The following KITLG variants were observed in gnomAD, a reference collection of about 807,000 sequenced individuals.
The protein encoded by KITLG is KIT ligand.
In KITLG, 13 loss-of-function variants were observed where a neutral mutation model predicts 34.1. The observed-to-expected ratio is 0.38, with a 90% CI of 0.25 to 0.61. The LOEUF is 0.61. Ranked by LOEUF, KITLG falls within the 20% of genes least tolerant of loss-of-function variation. The probability of loss-of-function intolerance (pLI) is 0.60; values close to 1 mark genes in which losing one functional copy is unlikely to be tolerated. For synonymous variants in KITLG, 110 were observed against 104.0 expected, an observed-to-expected ratio of 1.06 and a Z score of -0.35; for missense variants, 292 against 318.9, an observed-to-expected ratio of 0.92 and a Z score of 0.64.
At chr12:88,511,745 G>A (rs1018713883) in intron 6 of KITLG, among the ~76,000 whole-genome samples, 2 of 152,074 alleles carry the variant, frequency 1.3e-5, no homozygotes, top group Admixed American at 1.3e-4. Context: ...ACAGAACAAT[G>A]GGGACAAAAT....
At position 88,553,763 on chromosome 12, in the gene KITLG, A is replaced by G. The variant is rs191555173; in HGVS notation, c.16-7898T>C. On this transcript the variant is annotated intron_variant, in intron 1 of 9. Coordinates refer to ENST00000644744, the MANE Select transcript of KITLG (RefSeq NM_000899.5). ...TGAGAAATCTGTGTGCACTGTTACA[A>G]CCAAGGCATGCAGTAGAAACAGTTC... 1.8e-4 allele frequency among the ~76,000 whole-genome samples: 28 copies of G among 152,326 alleles called. No homozygotes were observed. In the East Asian group the frequency reaches 3.3e-3, roughly 18 times the overall value.
chr12:88,567,814 A>G (rs932135480), intron 1 of KITLG, among the ~76,000 whole-genome samples: 4 of 152,152 alleles, frequency 2.6e-5, no homozygotes, highest in Admixed American at 2.0e-4. Context: ...CTTAGACACT[A>G]TTATAAACCT....
intron 1 of KITLG, chr12:88,546,144 T>C: frequency 6.1e-6 from 3 of 490,444 alleles, no homozygotes; most frequent in Non-Finnish European, 1.2e-5. Context: ...AATAAACTTG[T>C]AGCAGCATGT....
At chr12:88,545,120 G>C (rs540066862) in intron 2 of KITLG, among the ~76,000 whole-genome samples, 3 of 152,290 alleles carry the variant, frequency 2.0e-5, no homozygotes, top group African/African-American at 7.2e-5. Flanking sequence ...TTGATCTTGA[G>C]AGAAAGCATC....
intron 1 of KITLG, among the ~76,000 whole-genome samples, chr12:88,575,754 T>TAGAA (rs1259611061): frequency 6.6e-6 from 1 of 152,092 alleles, no homozygotes; most frequent in Non-Finnish European, 1.5e-5. Context: ...ATTTATGTGC[T>TAGAA]AGAAAGAAAG....
intron 1 of KITLG, among the ~76,000 whole-genome samples, chr12:88,573,392 C>T (rs1871721572): frequency 6.6e-6 from 1 of 152,186 alleles, no homozygotes; most frequent in Non-Finnish European, 1.5e-5. Flanking sequence ...GAAAACTCAG[C>T]ACTGTAGGGC....
intron 1 of KITLG, among the ~76,000 whole-genome samples, chr12:88,574,975 TCATTTCTCCC>T (rs1213420350): frequency 1.3e-5 from 2 of 152,340 alleles, no homozygotes; most frequent in East Asian, 3.9e-4. Context: ...TAAATCTCCT[TCATTTCTCCC>T]CATTGGCTTA....
chr12:88,534,537 T>G (rs1418978824), intron 2 of KITLG, among the ~76,000 whole-genome samples: 1 of 152,002 alleles, frequency 6.6e-6, no homozygotes, highest in Admixed American at 6.6e-5. Context: ...TGGCTAATTT[T>G]TGTATTTTTA....
chr12:88,572,799 G>A (rs1377880783), intron 1 of KITLG, among the ~76,000 whole-genome samples: 1 of 151,480 alleles, frequency 6.6e-6, no homozygotes, highest in Non-Finnish European at 1.5e-5. Flanking sequence ...TCCCACTTTG[G>A]ACCACCTGGA....
At chr12:88,576,941 G>A (rs892184630) in intron 1 of KITLG, among the ~76,000 whole-genome samples, 4 of 151,894 alleles carry the variant, frequency 2.6e-5, no homozygotes, top group Non-Finnish European at 5.9e-5. Flanking sequence ...GCAGTTAGAC[G>A]TAAATAAAAT....
intron 1 of KITLG, among the ~76,000 whole-genome samples, chr12:88,562,779 G>A (rs571714543): frequency 5.3e-5 from 8 of 152,234 alleles, no homozygotes; most frequent in South Asian, 2.1e-4. Flanking sequence ...CAGGGACAAC[G>A]TAAATAGACA....
intron 2 of KITLG, among the ~76,000 whole-genome samples, chr12:88,543,726 A>G (rs1006019907): frequency 1.3e-5 from 2 of 152,194 alleles, no homozygotes; most frequent in Non-Finnish European, 2.9e-5. Flanking sequence ...TGAAAAATTT[A>G]GCCAACAACT....
chr12:88,542,216 G>C (rs769396275), intron 2 of KITLG, among the ~76,000 whole-genome samples: 12 of 152,016 alleles, frequency 7.9e-5, no homozygotes, highest in Non-Finnish European at 1.3e-4. Flanking sequence ...TATCTTCTTT[G>C]GGGTCTTAGA....
rs542539906 is a variant in KITLG, at chr12:88,532,253, A to G, written c.192+188T>C. Among the ~76,000 whole-genome samples, 4 of 152,178 alleles carry G rather than the reference A, an allele frequency of 2.6e-5. No individual in the cohort carries two copies. In the South Asian group the frequency reaches 8.3e-4, roughly 32 times the overall value. On this transcript the variant is annotated intron_variant, in intron 3 of 9. Transcript: ENST00000644744. ...CTAGGATATATGTGCTGAAATGATCACTGATAAAGTTTAACAGTTGCTTAA... is the reference window on the plus strand; with the variant it reads ...CTAGGATATATGTGCTGAAATGATCGCTGATAAAGTTTAACAGTTGCTTAA...
intron 4 of KITLG, among the ~76,000 whole-genome samples, chr12:88,517,934 C>T (rs1278367943): frequency 6.6e-6 from 1 of 152,030 alleles, no homozygotes; most frequent in Non-Finnish European, 1.5e-5. Context: ...AATCTTTGGC[C>T]ATTTGAACTG....
At chr12:88,508,066 A>C (rs961259995) in intron 6 of KITLG, among the ~76,000 whole-genome samples, 5 of 152,100 alleles carry the variant, frequency 3.3e-5, no homozygotes, top group Non-Finnish European at 7.4e-5. Flanking sequence ...GCATGCCTGT[A>C]ATCCCGGCTA....
chr12:88,519,859 A>G (rs1290874646), intron 3 of KITLG, among the ~76,000 whole-genome samples: 2 of 152,112 alleles, frequency 1.3e-5, no homozygotes, highest in African/African-American at 2.4e-5. Context: ...CCTGGCCTCA[A>G]GCAATCCTCC....
intron 6 of KITLG, among the ~76,000 whole-genome samples, chr12:88,508,016 G>T (rs188830399): frequency 1.3e-3 from 195 of 151,970 alleles, no homozygotes; most frequent in Middle Eastern, 3.4e-3. Flanking sequence ...GTAAAACCCC[G>T]TCTCTACTAA....
intron 3 of KITLG, among the ~76,000 whole-genome samples, chr12:88,520,296 G>A (rs896648752): frequency 6.6e-6 from 1 of 152,200 alleles, no homozygotes; most frequent in East Asian, 1.9e-4. Flanking sequence ...TTTCAAAGCT[G>A]TCAGTCTTTC....
Sources: gnomAD v4.1 joint callset for allele counts (sites outside exome capture counted in the v4.1 genomes callset) on GRCh38, gnomAD v4.1.1 for gene constraint, MANE v1.5 for transcripts, NCBI Gene and HGNC (gene_info 2026-07-23, HGNC 2026-07-21) for gene names.